Variants in ALK observed in about 807,000 individuals in gnomAD.
ALK encodes ALK tyrosine kinase receptor.
A neutral mutation model predicts 163.1 loss-of-function variants in ALK; 74 were observed. That is an observed-to-expected ratio of 0.45 (90% confidence interval 0.38 to 0.55). The LOEUF (loss-of-function observed/expected upper bound fraction) is 0.55, where lower values mean the gene tolerates loss of function less well. ALK is among the 20% of genes least tolerant of loss of function. The pLI, the probability that ALK is intolerant of heterozygous loss-of-function variation, is 0.00. For missense variants in ALK, 2,063 were observed against 2,105.3 expected (o/e 0.98, Z 0.39); for synonymous variants, 960 against 843.2 (o/e 1.14, Z -2.40).
chr2:29,576,086 C>G (rs747536458), intron 3 of ALK, among the ~76,000 whole-genome samples: 2 of 152,104 alleles, frequency 1.3e-5, no homozygotes, highest in Non-Finnish European at 2.9e-5. Context: ...AGTGGGTGCA[C>G]GGGGTGCAGT....
chr2:29,614,608 C>CAGGG (rs1447505013), intron 3 of ALK, among the ~76,000 whole-genome samples: 1 of 152,232 alleles, frequency 6.6e-6, no homozygotes, highest in Non-Finnish European at 1.5e-5. Flanking sequence ...CATGCTTGGG[C>CAGGG]AGGGCCTCCA....
At chr2:29,331,734 C>T (rs1167220258) in intron 5 of ALK, among the ~76,000 whole-genome samples, 1 of 152,142 alleles carries the variant, frequency 6.6e-6, no homozygotes, top group Non-Finnish European at 1.5e-5. Flanking sequence ...GAAGCAGCAC[C>T]TGCTTGCTCA....
At chr2:29,598,080 T>G (rs570418527) in intron 3 of ALK, among the ~76,000 whole-genome samples, 4 of 152,190 alleles carry the variant, frequency 2.6e-5, no homozygotes, top group African/African-American at 9.7e-5. Flanking sequence ...CAGACTGGAG[T>G]GCAATGGTGC....
chr2:29,408,177 G>A (rs1329629095), intron 4 of ALK, among the ~76,000 whole-genome samples: 1 of 150,690 alleles, frequency 6.6e-6, no homozygotes. Context: ...CTGCCTCCCG[G>A]GTTCAAGCGA....
At chr2:29,396,823 C>G (rs564260128) in intron 4 of ALK, among the ~76,000 whole-genome samples, 1 of 109,274 alleles carries the variant, frequency 9.2e-6, no homozygotes, top group East Asian at 2.4e-4. Flanking sequence ...CCCAGAGGCC[C>G]TTTGTTACTA....
intron 3 of ALK, among the ~76,000 whole-genome samples, chr2:29,656,577 T>A (rs1406420065): frequency 6.6e-6 from 1 of 152,216 alleles, no homozygotes; most frequent in Non-Finnish European, 1.5e-5. Context: ...TGTATTAGTT[T>A]ATTTGATATA....
chr2:29,777,456 C>T (rs1681207500), intron 1 of ALK, among the ~76,000 whole-genome samples: 2 of 152,084 alleles, frequency 1.3e-5, no homozygotes, highest in South Asian at 2.1e-4. Context: ...CTCTCTACAT[C>T]CCCTCTTGCC....
chr2:29,846,458 C>T (rs925656622), intron 1 of ALK, among the ~76,000 whole-genome samples: 4 of 152,226 alleles, frequency 2.6e-5, no homozygotes, highest in Non-Finnish European at 5.9e-5. Context: ...TCCATGAGAA[C>T]AAGACCTTGT....
At chr2:29,629,598 T>A (rs1012814833) in intron 3 of ALK, among the ~76,000 whole-genome samples, 1 of 152,214 alleles carries the variant, frequency 6.6e-6, no homozygotes, top group Non-Finnish European at 1.5e-5. Context: ...TAAGAAATCA[T>A]AATCCAAGGC....
At chr2:29,594,455 G>A (rs535581344) in intron 3 of ALK, among the ~76,000 whole-genome samples, 1 of 141,382 alleles carries the variant, frequency 7.1e-6, no homozygotes, top group Admixed American at 7.1e-5. Flanking sequence ...TTGAGATGGA[G>A]TTTTGCTCTG....
intron 1 of ALK, among the ~76,000 whole-genome samples, chr2:29,877,894 ACCT>A (rs1171474852): frequency 1.3e-5 from 2 of 152,076 alleles, no homozygotes; most frequent in Non-Finnish European, 2.9e-5. Context: ...AAGGCAGGAA[ACCT>A]CCTATTCCCT....
At chr2:29,918,295 G>A (rs771310093) in intron 1 of ALK, among the ~76,000 whole-genome samples, 2 of 152,198 alleles carry the variant, frequency 1.3e-5, no homozygotes, top group Non-Finnish European at 2.9e-5. Flanking sequence ...CAGATGCTCA[G>A]AGGCATGAAA....
intron 1 of ALK, among the ~76,000 whole-genome samples, chr2:29,783,905 C>T (rs1015016627): frequency 7.2e-5 from 11 of 152,078 alleles, no homozygotes; most frequent in Admixed American, 3.3e-4. Flanking sequence ...AAGTGGCAGT[C>T]GTGTGTAAGA....
intron 3 of ALK, among the ~76,000 whole-genome samples, chr2:29,630,776 T>G (rs1436665750): frequency 6.6e-6 from 1 of 152,172 alleles, no homozygotes; most frequent in Non-Finnish European, 1.5e-5. Context: ...TTTGAGGAAC[T>G]TTGGTATTTA....
chr2:29,503,984 A>C (rs1470189777), intron 4 of ALK, among the ~76,000 whole-genome samples: 1 of 151,360 alleles, frequency 6.6e-6, no homozygotes, highest in East Asian at 2.0e-4. Flanking sequence ...TTTTGCACCA[A>C]CCTAATAGTG....
At chr2:29,823,140 C>T (rs765856337) in intron 1 of ALK, among the ~76,000 whole-genome samples, 2 of 152,130 alleles carry the variant, frequency 1.3e-5, no homozygotes, top group Non-Finnish European at 2.9e-5. Context: ...AGATGAGTTC[C>T]CTTGCACAAA....
intron 9 of ALK, among the ~76,000 whole-genome samples, chr2:29,279,761 A>G (rs1001799169): frequency 6.6e-6 from 1 of 152,152 alleles, no homozygotes; most frequent in African/African-American, 2.4e-5. Context: ...TCCTGGTTCT[A>G]CCCACTCCTT....
chr2:29,755,796 C>G (rs116028945), intron 1 of ALK, among the ~76,000 whole-genome samples: 1,631 of 152,214 alleles, frequency 0.011, 35 homozygotes, highest in African/African-American at 0.037. Context: ...GCGGGGCTGT[C>G]ACTGCCAAAC....
At chr2:29,670,883 C>A (rs1445890917) in intron 3 of ALK, among the ~76,000 whole-genome samples, 2 of 152,010 alleles carry the variant, frequency 1.3e-5, no homozygotes, top group Non-Finnish European at 2.9e-5. Context: ...TTAAATTTCT[C>A]TGATAAACTT....
Sources: allele counts gnomAD v4.1 joint callset (sites outside exome capture counted in the v4.1 genomes callset), GRCh38; gene constraint gnomAD v4.1.1; transcripts MANE v1.5; gene names NCBI Gene and HGNC (gene_info 2026-07-23, HGNC 2026-07-21).